The following RUBCNL variants were observed in gnomAD, a reference collection of about 807,000 sequenced individuals.
RUBCNL encodes the protein protein associated with UVRAG as autophagy enhancer.
RUBCNL carries 62 observed loss-of-function variants against 69.5 expected under a neutral mutation model. The observed-to-expected ratio is 0.89, with a 90% CI of 0.73 to 1.10. The LOEUF (loss-of-function observed/expected upper bound fraction) is 1.10, where lower values mean the gene tolerates loss of function less well. Among genes scored for constraint, RUBCNL ranks in the 50% least tolerant of loss-of-function variants. The pLI is 0.00. For missense variants in RUBCNL, 768 were observed against 798.1 expected, an observed-to-expected ratio of 0.96 and a Z score of 0.45; for synonymous variants, 291 against 303.6, an observed-to-expected ratio of 0.96 and a Z score of 0.43.
chr13:46,386,854 C>A (rs1478471839), intron 1 of RUBCNL, among the ~76,000 whole-genome samples: 2 of 152,166 alleles, frequency 1.3e-5, no homozygotes, highest in Non-Finnish European at 2.9e-5. Context: ...CCCGCTTCTG[C>A]GCCCTTCCCG....
Position 46,372,028 on chromosome 13 carries a change from T to A in RUBCNL, c.448A>T (p.Ser150Cys), listed in dbSNP as rs1221395884. 6.2e-7 allele frequency: 1 copy of A among 1,613,986 alleles called. No homozygotes were observed. Among genetic ancestry groups the A allele is most frequent in the Non-Finnish European group, 8.5e-7 (1 of 1,179,880 alleles). The change falls in exon 3 of 15, where the codon AGC becomes TGC. Residue 150 changes from serine to cysteine, a missense_variant. Physicochemically the swap from Ser to Cys is moderately radical, Grantham distance 112. Transcript: ENST00000429979. ...GYSHRVSLPTSPGILATSPYP... is the reference protein window; with the variant it reads ...GYSHRVSLPTCPGILATSPYP... ...GGGGAGGTGGCCAAAATCCCAGGGCTTGTGGGCAGAGACACCCGATGAGAG... is the reference window on the plus strand; with the variant it reads ...GGGGAGGTGGCCAAAATCCCAGGGCATGTGGGCAGAGACACCCGATGAGAG...
intron 2 of RUBCNL, among the ~76,000 whole-genome samples, chr13:46,374,110 G>A (rs2048937004): frequency 6.6e-6 from 1 of 152,168 alleles, no homozygotes; most frequent in Admixed American, 6.5e-5. Flanking sequence ...TTTCTCTGCT[G>A]TTACTCTTGC....
intron 1 of RUBCNL, among the ~76,000 whole-genome samples, chr13:46,383,136 T>C (rs2049157358): frequency 6.6e-6 from 1 of 152,250 alleles, no homozygotes; most frequent in African/African-American, 2.4e-5. Context: ...TTGTTCATTG[T>C]ACTATTCTAT....
chr13:46,365,970 C>T (rs947412929), intron 5 of RUBCNL, among the ~76,000 whole-genome samples: 3 of 152,222 alleles, frequency 2.0e-5, no homozygotes, highest in African/African-American at 7.2e-5. Flanking sequence ...CAGAAGGCTA[C>T]TGCAGCGGGC....
intron 11 of RUBCNL, 130 bp downstream of exon 11, chr13:46,349,983 C>T (rs765470181): frequency 3.2e-5 from 23 of 714,724 alleles, no homozygotes; most frequent in Middle Eastern, 4.0e-4. Flanking sequence ...TGCGCCCAGC[C>T]GCTTCACTCG....
intron 10 of RUBCNL, among the ~76,000 whole-genome samples, chr13:46,355,915 T>G (rs1239177171): frequency 6.6e-6 from 1 of 152,036 alleles, no homozygotes; most frequent in African/African-American, 2.4e-5. Flanking sequence ...AAGGAACTTC[T>G]AAGAAAATAT....
rs550080734 is a variant in RUBCNL at position 46,362,959 on chromosome 13, T to G, written c.925+156A>C. On this transcript the variant is annotated intron_variant, in intron 6 of 14. Transcript: ENST00000429979. ...ATATAGATATATATATATATATATA[T>G]ATATATATATATATATCAGGGCCAT... Among the ~76,000 whole-genome samples the G allele has an allele frequency of 3.3e-4, 41 of 122,860 alleles. 1 individual carries two copies. Among genetic ancestry groups the G allele is most frequent in the Non-Finnish European group, 2.5e-4 (15 of 59,992 alleles). The allele number at this position is 122,860 out of a possible 152,430, so 80.6% of individuals were successfully genotyped here.
At chr13:46,384,192 T>C (rs2049184093) in intron 1 of RUBCNL, among the ~76,000 whole-genome samples, 3 of 152,220 alleles carry the variant, frequency 2.0e-5, no homozygotes, top group Admixed American at 1.3e-4. Flanking sequence ...TAAAAATACT[T>C]GCAAAATATG....
upstream of RUBCNL, chr13:46,387,677 C>G: frequency 4.1e-6 from 4 of 985,630 alleles, no homozygotes; most frequent in Non-Finnish European, 4.8e-6. Flanking sequence ...TGCAACTTAC[C>G]CGGAACGTGA....
chr13:46,353,428 T>C (rs1318204146), intron 10 of RUBCNL, among the ~76,000 whole-genome samples: 1 of 152,222 alleles, frequency 6.6e-6, no homozygotes, highest in Non-Finnish European at 1.5e-5. Context: ...GCTGTTATAC[T>C]ATCAATACAG....
chr13:46,387,220 G>A lies in RUBCNL; in HGVS notation c.-325C>T, dbSNP rs534133748. 37 of 985,382 alleles carry A rather than the reference G, an allele frequency of 3.8e-5. No individual in the cohort carries two copies. The African/African-American group carries it at 4.5e-4, about 12-fold the overall frequency. The allele number at this position is 985,382 out of a possible 1,614,324, so 61.0% of individuals were successfully genotyped here. A position where few individuals can be genotyped will look rare whatever the true frequency, so the allele number is the denominator to read the frequency against. ...CGCGCGGCTCCGGGCAGCGTTCCGT[G>A]GCCACCGCGCTCCCGGTAACAGCAG... On this transcript the variant is annotated 5_prime_UTR_variant, in exon 1 of 15. Transcript: ENST00000429979.
intron 5 of RUBCNL, among the ~76,000 whole-genome samples, chr13:46,364,110 T>C (rs891473803): frequency 6.6e-6 from 1 of 152,016 alleles, no homozygotes; most frequent in Non-Finnish European, 1.5e-5. Flanking sequence ...ATAGAAGTTA[T>C]GTGGGCTGGG....
intron 10 of RUBCNL, chr13:46,354,993 G>C (rs2048453020): frequency 3.0e-6 from 1 of 336,504 alleles, no homozygotes; most frequent in Non-Finnish European, 6.0e-6. Flanking sequence ...CACTAGATGT[G>C]CTGGGAAAAT....
rs1374587153 is a variant in RUBCNL at position 46,337,219 on chromosome 13, C to G, written c.*6166G>C. On this transcript the variant is annotated 3_prime_UTR_variant, in exon 15 of 15. Transcript: ENST00000429979. ...GTACAGTGGCGTGATCTCAGCTCACCGCAACCTTCAACTCCCTGGTTCAAG... is the reference window on the plus strand; with the variant it reads ...GTACAGTGGCGTGATCTCAGCTCACGGCAACCTTCAACTCCCTGGTTCAAG... 6.6e-6 allele frequency among the ~76,000 whole-genome samples: 1 copy of G among 152,016 alleles called. No individual in the cohort carries two copies. The highest frequency in any genetic ancestry group is 2.4e-5 in the African/African-American group (1 of 41,368).
intron 13 of RUBCNL, among the ~76,000 whole-genome samples, chr13:46,345,185 G>A (rs558123698): frequency 6.6e-6 from 1 of 152,226 alleles, no homozygotes; most frequent in Non-Finnish European, 1.5e-5. Context: ...GACTATACTT[G>A]GTGCATCAGG....
At position 46,343,383 on chromosome 13, in the gene RUBCNL, C is replaced by A; in HGVS notation, c.*2G>T. 5.6e-6 allele frequency: 9 copies of A among 1,612,766 alleles called. No individual in the cohort carries two copies. The highest frequency in any genetic ancestry group is 7.6e-6 in the Non-Finnish European group (9 of 1,179,354). On this transcript the variant is annotated 3_prime_UTR_variant, in exon 15 of 15. Transcript: ENST00000429979. Reference sequence around the variant, plus strand: ...CAGTCTTTTTCACAGTACTCAGGGGCATCATGTTGCTGCAGAGGCCACACT... The same window carrying A: ...CAGTCTTTTTCACAGTACTCAGGGGAATCATGTTGCTGCAGAGGCCACACT...
At chr13:46,349,194 C>T (rs2048314774) in intron 12 of RUBCNL, 92 bp downstream of exon 12, 1 of 1,068,072 alleles carries the variant, frequency 9.4e-7, no homozygotes, top group African/African-American at 1.6e-5. Flanking sequence ...TGCTAAGAAG[C>T]CCTGTGTAAT....
In RUBCNL at chr13:46,350,203, C is replaced by T. The variant is rs1453388405; in HGVS notation, c.1479G>A (p.Leu493=). The change falls in exon 11 of 15, where the codon CTG becomes CTA. Residue 493 remains leucine, a synonymous_variant. Coordinates refer to ENST00000429979, the MANE Select transcript of RUBCNL (RefSeq NM_025113.5). ...TGGGCTGGTGCCATATGCTGTCGAGCAGCTGTTTGGAGAAATTGCTGACGT... is the reference window on the plus strand; with the variant it reads ...TGGGCTGGTGCCATATGCTGTCGAGTAGCTGTTTGGAGAAATTGCTGACGT... ...KYYVSNFSKQ[L]LDSIWHQPIF... is the part of the protein sequence containing the mutation. 10 of 1,592,786 alleles carry T rather than the reference C, an allele frequency of 6.3e-6. No individual in the cohort carries two copies. The highest frequency in any genetic ancestry group is 5.1e-6 in the Non-Finnish European group (6 of 1,169,386).
chr13:46,346,759 G>GAA (rs71074773), intron 12 of RUBCNL, among the ~76,000 whole-genome samples: 21 of 151,854 alleles, frequency 1.4e-4, no homozygotes, highest in South Asian at 1.0e-3. Context: ...ATTAGAGACT[G>GAA]AAAAAAACGC....
Sources: allele counts gnomAD v4.1 joint callset (sites outside exome capture counted in the v4.1 genomes callset), GRCh38; gene constraint gnomAD v4.1.1; transcripts MANE v1.5; gene names NCBI Gene and HGNC (gene_info 2026-07-23, HGNC 2026-07-21).